NUP210L: variants seen among roughly 807,000 people sequenced by gnomAD.
The protein encoded by NUP210L is nuclear pore membrane glycoprotein 210-like.
In NUP210L, 74 loss-of-function variants were observed where a neutral mutation model predicts 208.5. That is an observed-to-expected ratio of 0.35 (90% CI 0.29 to 0.43). The LOEUF is 0.43. Among genes scored for constraint, NUP210L ranks in the 20% least tolerant of loss-of-function variants. The pLI, the probability that NUP210L is intolerant of heterozygous loss-of-function variation, is 1.00. For synonymous variants in NUP210L, 780 were observed against 816.9 expected (o/e 0.95, Z 0.77); for missense variants, 1,843 against 2,289.4 (o/e 0.81, Z 3.98).
intron 24 of NUP210L, 112 bp from the exon 25 acceptor site, chr1:154,054,519 A>G: frequency 1.0e-6 from 1 of 996,930 alleles, no homozygotes; most frequent in Non-Finnish European, 1.5e-6. Flanking sequence ...CATTTCTTGA[A>G]CAACATATCC....
chr1:153,995,179 A>G, exon 38 of NUP210L: 6 of 1,606,882 alleles, frequency 3.7e-6, no homozygotes, highest in Non-Finnish European at 5.1e-6. Flanking sequence ...CTTCACAGTG[A>G]TCTATACATT....
At chr1:154,049,071 G>A (rs899275526) in intron 25 of NUP210L, among the ~76,000 whole-genome samples, 1 of 152,162 alleles carries the variant, frequency 6.6e-6, no homozygotes, top group Non-Finnish European at 1.5e-5. Flanking sequence ...TAAAGGTTTG[G>A]TAGATACAGG....
At chr1:154,111,889 CAAAATATTAGT>C (rs1225523187) in intron 12 of NUP210L, among the ~76,000 whole-genome samples, 3 of 151,594 alleles carry the variant, frequency 2.0e-5, no homozygotes, top group Non-Finnish European at 4.4e-5. Context: ...AAACTCTTGA[CAAAATATTAGT>C]AAACCAAATT....
At chr1:154,034,837 C>T (rs1201774445) in intron 27 of NUP210L, among the ~76,000 whole-genome samples, 1 of 145,596 alleles carries the variant, frequency 6.9e-6, no homozygotes, top group Non-Finnish European at 1.5e-5. Context: ...GTCTCTCTCT[C>T]TCTCTCTTTT....
At chr1:154,138,209 A>C (rs765268099) in exon 6 of NUP210L, 198 of 1,543,538 alleles carry the variant, frequency 1.3e-4, no homozygotes, top group Non-Finnish European at 1.6e-4. Context: ...TCTCCAAAAC[A>C]AGCAGACGTA....
rs538582968 is a variant in NUP210L, at chr1:154,027,547, A to G, written c.3906T>C (p.Ile1302=). 3 of 1,613,842 alleles carry G rather than the reference A, an allele frequency of 1.9e-6. No homozygotes were observed. In the South Asian group the frequency reaches 3.3e-5, roughly 18 times the overall value. The change falls in exon 29 of 40, where the codon ATT becomes ATC. Residue 1302 remains isoleucine, a synonymous_variant. Coordinates refer to ENST00000368559, the Ensembl canonical transcript of NUP210L. ...TGAGCTGAGAATTTATAGGCATCAG[A>G]ATCTGCTCTGGTTGGCACTCTGGAT... is the stretch of plus-strand genomic sequence containing the variant.
intron 16 of NUP210L, 25 bp from the exon 17 acceptor site, chr1:154,070,490 A>G: frequency 6.9e-7 from 1 of 1,456,822 alleles, no homozygotes; most frequent in Non-Finnish European, 9.2e-7. Flanking sequence ...AAAGTAATAA[A>G]ACAACAATTT....
intron 5 of NUP210L, 97 bp downstream of exon 5, chr1:154,139,705 A>C (rs1182718734): frequency 2.4e-6 from 2 of 850,798 alleles, no homozygotes; most frequent in Non-Finnish European, 3.6e-6. Context: ...AAAAAAAAAC[A>C]GGGCGGGTAG....
At chr1:154,000,818 T>C in intron 37 of NUP210L, 38 bp downstream of exon 37, 1 of 1,564,110 alleles carries the variant, frequency 6.4e-7, no homozygotes, top group Middle Eastern at 1.7e-4. Context: ...TTTCTTCTTT[T>C]CCTCTCTAGA....
intron 37 of NUP210L, among the ~76,000 whole-genome samples, chr1:153,999,691 C>A (rs1034918658): frequency 8.1e-6 from 1 of 122,960 alleles, no homozygotes; most frequent in Non-Finnish European, 1.6e-5. Flanking sequence ...GAGCCGAGAT[C>A]ACGACATTGC....
At chr1:154,100,771 G>A (rs1431477215) in intron 13 of NUP210L, among the ~76,000 whole-genome samples, 1 of 150,900 alleles carries the variant, frequency 6.6e-6, no homozygotes, top group Non-Finnish European at 1.5e-5. Context: ...ACCCACCTAA[G>A]CCTCCCAAAA....
rs140174790 is a variant in NUP210L, at chr1:154,141,270, T to C, written c.566+161A>G. Reference sequence around the variant, plus strand: ...TAAAGGTACCTACATCTATGTCATATTTCATTCTATCAAAGACATTTCTCT... The same window carrying C: ...TAAAGGTACCTACATCTATGTCATACTTCATTCTATCAAAGACATTTCTCT... On this transcript the variant is annotated intron_variant, in intron 4 of 39. Transcript: ENST00000368559. Among the ~76,000 whole-genome samples the C allele has an allele frequency of 1.3e-4, 20 of 152,362 alleles. No homozygotes were observed. The East Asian group carries it at 2.1e-3, about 16-fold the overall frequency.
At chr1:154,101,936 A>G (rs1253088060) in intron 13 of NUP210L, among the ~76,000 whole-genome samples, 3 of 152,078 alleles carry the variant, frequency 2.0e-5, no homozygotes, top group African/African-American at 7.2e-5. Context: ...GATTACCTGA[A>G]GTCAGGAGTT....
chr1:154,016,794 C>CAAAA (rs1185221983), intron 33 of NUP210L, among the ~76,000 whole-genome samples: 1 of 139,248 alleles, frequency 7.2e-6, no homozygotes, highest in Non-Finnish European at 1.7e-5. Context: ...AAATACAAAA[C>CAAAA]AAAACAAAAC....
chr1:154,139,848 G>A (rs776895507), exon 5 of NUP210L: 2 of 1,613,738 alleles, frequency 1.2e-6, no homozygotes, highest in East Asian at 2.2e-5. Flanking sequence ...AGCAGCACCA[G>A]TTCTAATCCC....
At chr1:154,138,927 T>C (rs1343157501) in intron 5 of NUP210L, among the ~76,000 whole-genome samples, 3 of 152,210 alleles carry the variant, frequency 2.0e-5, no homozygotes, top group Non-Finnish European at 4.4e-5. Context: ...TCCTTTAAAA[T>C]ATAAATTTTT....
intron 17 of NUP210L, 40 bp downstream of exon 17, chr1:154,070,232 AC>A: frequency 6.9e-7 from 1 of 1,446,120 alleles, no homozygotes; most frequent in Non-Finnish European, 9.3e-7. Context: ...AAACAAAAAA[AC>A]ACTCAGGTAT....
intron 27 of NUP210L, among the ~76,000 whole-genome samples, chr1:154,033,578 G>C (rs553584123): frequency 6.6e-6 from 1 of 152,002 alleles, no homozygotes; most frequent in East Asian, 1.9e-4. Context: ...TTTGTTTCTG[G>C]GTTCTCTATT....
At chr1:154,117,950 G>C (rs541217950) in intron 11 of NUP210L, 70 bp from the exon 12 acceptor site, 1 of 1,102,748 alleles carries the variant, frequency 9.1e-7, no homozygotes, top group Non-Finnish European at 1.3e-6. Flanking sequence ...TGTAAAACTT[G>C]ACTGGTGAAA....
Sources: gnomAD v4.1 joint callset for allele counts (sites outside exome capture counted in the v4.1 genomes callset) on GRCh38, gnomAD v4.1.1 for gene constraint, MANE v1.5 for transcripts, NCBI Gene and HGNC (gene_info 2026-07-23, HGNC 2026-07-21) for gene names.